PARP8: variants seen among roughly 807,000 people sequenced by gnomAD.
PARP8 encodes the protein protein mono-ADP-ribosyltransferase PARP8.
Under a neutral mutation model 124.1 loss-of-function variants are expected in PARP8, and 51 were observed. The ratio of observed to expected loss-of-function variants is 0.41; its 90% CI spans 0.33 to 0.52. The LOEUF (loss-of-function observed/expected upper bound fraction) is 0.52. Among genes scored for constraint, PARP8 ranks in the 20% least tolerant of loss-of-function variants. PARP8 has a pLI of 0.21. For synonymous variants in PARP8, 391 were observed against 361.5 expected (o/e 1.08, Z -0.93); for missense variants, 860 against 1,018.9 (o/e 0.84, Z 2.12).
chr5:50,816,126 G>A (rs1453386561), intron 15 of PARP8, among the ~76,000 whole-genome samples: 1 of 152,098 alleles, frequency 6.6e-6, no homozygotes, highest in Non-Finnish European at 1.5e-5. Flanking sequence ...TATATGCAGT[G>A]CTATAACGTT....
chr5:50,797,314 A>G, intron 14 of PARP8, 81 bp downstream of exon 14: 1 of 1,054,112 alleles, frequency 9.5e-7, no homozygotes, highest in Non-Finnish European at 1.3e-6. Flanking sequence ...AAATAAGTAA[A>G]TAAATGCAGT....
chr5:50,813,668 G>T (rs1394605082), intron 14 of PARP8, among the ~76,000 whole-genome samples: 1 of 152,114 alleles, frequency 6.6e-6, no homozygotes, highest in Non-Finnish European at 1.5e-5. Context: ...CCTGTCTTGT[G>T]CCAGTTTTCA....
intron 2 of PARP8, among the ~76,000 whole-genome samples, chr5:50,711,460 G>A (rs1039675802): frequency 7.2e-5 from 11 of 152,102 alleles, no homozygotes; most frequent in East Asian, 1.9e-4. Context: ...AATGTGAGGA[G>A]TTTGCTCTGT....
intron 14 of PARP8, among the ~76,000 whole-genome samples, chr5:50,801,170 G>T (rs376846465): frequency 4.0e-5 from 6 of 151,670 alleles, no homozygotes; most frequent in Non-Finnish European, 8.8e-5. Flanking sequence ...GCATGATCTC[G>T]GCTCACTGCA....
chr5:50,674,460 A>G lies in PARP8; in HGVS notation c.146+6335A>G, dbSNP rs541763108. On this transcript the variant is annotated intron_variant, in intron 2 of 25. Transcript: ENST00000281631. Reference sequence around the variant, plus strand: ...GCTTTGACTTAGATCAATCGCCTTAACCTAGTGTCTTAAAATTCTTGATTT... The same window carrying G: ...GCTTTGACTTAGATCAATCGCCTTAGCCTAGTGTCTTAAAATTCTTGATTT... Among the ~76,000 whole-genome samples the G allele has an allele frequency of 7.2e-5, 11 of 152,322 alleles. 1 individual carries two copies. The South Asian group carries it at 2.3e-3, about 32-fold the overall frequency.
chr5:50,811,857 C>A (rs113265009), intron 14 of PARP8, among the ~76,000 whole-genome samples: 5 of 152,040 alleles, frequency 3.3e-5, no homozygotes, highest in Non-Finnish European at 7.4e-5. Context: ...TCTGTCTTTG[C>A]GATAGTTTGC....
chr5:50,758,910 G>A (rs1339359272), intron 3 of PARP8, among the ~76,000 whole-genome samples: 5 of 152,084 alleles, frequency 3.3e-5, no homozygotes, highest in African/African-American at 4.8e-5. Context: ...GACTAACTTA[G>A]TATTTTGTGC....
intron 3 of PARP8, among the ~76,000 whole-genome samples, chr5:50,754,130 T>TAG (rs1759577632): frequency 1.2e-4 from 1 of 8,296 alleles, no homozygotes; most frequent in African/African-American, 3.7e-4. Flanking sequence ...TATATATATA[T>TAG]ATATATATAT....
At chr5:50,814,931 G>C (rs920815854) in intron 14 of PARP8, among the ~76,000 whole-genome samples, 7 of 152,070 alleles carry the variant, frequency 4.6e-5, no homozygotes, top group Non-Finnish European at 5.9e-5. Context: ...GCAACAAAAC[G>C]AGTCTTTCAA....
intron 2 of PARP8, chr5:50,741,948 A>T: frequency 2.5e-6 from 1 of 401,420 alleles, no homozygotes. Context: ...AGCTGGCATT[A>T]CAGGTGCACA....
At chr5:50,828,483 A>C (rs1746589768) in intron 21 of PARP8, 99 bp downstream of exon 21, 4 of 1,042,102 alleles carry the variant, frequency 3.8e-6, no homozygotes, top group Non-Finnish European at 5.8e-6. Context: ...AAGAGGAAGC[A>C]TGTGAGTAAG....
intron 3 of PARP8, among the ~76,000 whole-genome samples, chr5:50,758,620 C>T (rs111525957): frequency 0.015 from 2,242 of 152,178 alleles, 58 homozygotes; most frequent in African/African-American, 0.052. Context: ...AGAAATTGAT[C>T]CATGCTTCTA....
At chr5:50,713,159 TG>T (rs752917587) in intron 2 of PARP8, among the ~76,000 whole-genome samples, 1 of 152,028 alleles carries the variant, frequency 6.6e-6, no homozygotes, top group Non-Finnish European at 1.5e-5. Flanking sequence ...AGATCTGTGG[TG>T]ATGTTTCAAT....
Position 50,829,914 on chromosome 5 carries a change from G to T in PARP8, c.2186G>T (p.Ser729Ile). 3.7e-6 allele frequency: 6 copies of T among 1,609,854 alleles called. No individual in the cohort carries two copies. The highest frequency in any genetic ancestry group is 5.1e-6 in the Non-Finnish European group (6 of 1,177,808). Reference sequence around the variant, plus strand: ...TAGCTCCATGGTGCAATGTATGGAAGTGGAATCTATCTTAGTCCAATGTCA... The same window carrying T: ...TAGCTCCATGGTGCAATGTATGGAATTGGAATCTATCTTAGTCCAATGTCA... Reference protein sequence around the residue: ...RLQLHGAMYGSGIYLSPMSSI... With the variant: ...RLQLHGAMYGIGIYLSPMSSI... The change falls in exon 22 of 26, where the codon AGT (serine) becomes ATT (isoleucine). Residue 729 changes from serine (S) to isoleucine (I), a missense_variant. Coordinates refer to ENST00000281631, the MANE Select transcript of PARP8 (RefSeq NM_024615.4).
Position 50,826,848 on chromosome 5 carries a change from G to A in PARP8, c.1977+45G>A, listed in dbSNP as rs142009187. The A allele has an allele frequency of 4.8e-4, 756 of 1,573,344 alleles. 2 individuals carry two copies. The African/African-American group carries it at 9.5e-3, about 20-fold the overall frequency. ...TTTACATATGCATACAGAAATGGGA[G>A]GAGTACTTATCAGTTGGGAGAACCT... is the stretch of plus-strand genomic sequence containing the variant. On this transcript the variant is annotated intron_variant, in intron 19 of 25. Coordinates refer to ENST00000281631, the MANE Select transcript of PARP8 (RefSeq NM_024615.4).
At chr5:50,800,756 A>AT (rs201684004) in intron 14 of PARP8, among the ~76,000 whole-genome samples, 16,537 of 137,338 alleles carry the variant, frequency 0.12, 1,178 homozygotes, top group East Asian at 0.35. Flanking sequence ...TCTGTTTTAG[A>AT]TTTTTTTTTT....
chr5:50,788,636 G>T, intron 10 of PARP8, 47 bp downstream of exon 10: 1 of 1,464,310 alleles, frequency 6.8e-7, no homozygotes, highest in South Asian at 1.2e-5. Context: ...AAAGAGAACT[G>T]AGTTCTCATT....
chr5:50,778,781 C>T (rs1740326122), intron 9 of PARP8, 131 bp downstream of exon 9: 1 of 465,568 alleles, frequency 2.1e-6, no homozygotes, highest in Admixed American at 4.1e-5. Context: ...TTTAAAGAAG[C>T]TTGCAGTCTA....
chr5:50,721,973 C>T (rs1755937442), intron 2 of PARP8, among the ~76,000 whole-genome samples: 1 of 151,944 alleles, frequency 6.6e-6, no homozygotes, highest in Non-Finnish European at 1.5e-5. Flanking sequence ...AATGTCGTAG[C>T]TTTGTAATAA....
Sources: gnomAD v4.1 joint callset for allele counts (sites outside exome capture counted in the v4.1 genomes callset) on GRCh38, gnomAD v4.1.1 for gene constraint, MANE v1.5 for transcripts, NCBI Gene and HGNC (gene_info 2026-07-23, HGNC 2026-07-21) for gene names.